The following SPON2 variants were observed in gnomAD, a reference collection of about 807,000 sequenced individuals.
SPON2 encodes the protein spondin 2, also known as spondin-2.
SPON2 carries 32 observed loss-of-function variants against 29.9 expected under a neutral mutation model. The ratio of observed to expected loss-of-function variants is 1.07; its 90% CI spans 0.81 to 1.44. The LOEUF (loss-of-function observed/expected upper bound fraction) is 1.44. Among genes scored for constraint, SPON2 ranks in the 40% most tolerant of loss-of-function variants. The probability of loss-of-function intolerance (pLI) is 0.00; values close to 1 mark genes in which losing one functional copy is unlikely to be tolerated. For missense variants in SPON2, 541 were observed against 455.5 expected (o/e 1.19, Z -1.71); for synonymous variants, 248 against 209.1 (o/e 1.19, Z -1.61).
upstream of SPON2, among the ~76,000 whole-genome samples, chr4:1,173,800 A>G (rs1421428890): frequency 6.6e-6 from 1 of 152,284 alleles, no homozygotes; most frequent in Non-Finnish European, 1.5e-5. Context: ...AAAACCACAG[A>G]TCAGCCACTC....
At position 1,167,584 on chromosome 4, in the gene SPON2, C is replaced by T. The variant is rs1391332007; in HGVS notation, c.884G>A (p.Arg295Lys). The T allele has an allele frequency of 1.1e-5, 17 of 1,613,618 alleles. No homozygotes were observed. The highest frequency in any genetic ancestry group is 1.7e-5 in the Admixed American group (1 of 60,024). The stretch of plus-strand genomic sequence containing the variant: ...GCGAGTCCTGCTCTTGGTCCCGAGC[C>T]TCCCACAGTGGCCTCCGCACAGTCC... ...SWGLCGGHCGRLGTKSRTRYV... is the reference protein window; with the variant it reads ...SWGLCGGHCGKLGTKSRTRYV... Residue 295 changes from arginine (R) to lysine (K), a missense_variant, in exon 6 of 6, where the codon AGG (arginine) becomes AAG (lysine). By Grantham distance (26) the Arg-to-Lys change is conservative (BLOSUM62 2). Coordinates refer to ENST00000290902, the MANE Select transcript of SPON2 (RefSeq NM_012445.4).
upstream of SPON2, among the ~76,000 whole-genome samples, chr4:1,175,023 C>T (rs368485479): frequency 6.4e-4 from 98 of 152,368 alleles, no homozygotes; most frequent in African/African-American, 2.2e-3. Context: ...AGGCCCTCCA[C>T]GAGTCCCCAG....
chr4:1,204,107 A>T (rs535533460), intron 1 of SPON2, among the ~76,000 whole-genome samples: 3 of 152,282 alleles, frequency 2.0e-5, no homozygotes, highest in Admixed American at 2.0e-4. Context: ...CCTGACCTCA[A>T]ATGGTCCCCC....
At position 1,200,687 on chromosome 4, in the gene SPON2, C is replaced by T. The variant is rs769578405; in HGVS notation, c.-234+7193G>A. On this transcript the variant is annotated intron_variant, in intron 1 of 3. Coordinates refer to the SPON2 transcript ENST00000509233. ...CCACTGCAGGCCAGGTGTGGACGAC[C>T]CTCACAACTCTCCCATCTGCGTGGA... 2.9e-4 allele frequency: 118 copies of T among 401,636 alleles called. 2 individuals are homozygous for T. In the Middle Eastern group the frequency reaches 5.4e-3, roughly 18 times the overall value. The allele number at this position is 401,636 out of a possible 1,614,324, so 24.9% of individuals were successfully genotyped here.
At chr4:1,168,593 CAG>C (rs903487441) in intron 5 of SPON2, among the ~76,000 whole-genome samples, 4 of 152,156 alleles carry the variant, frequency 2.6e-5, no homozygotes, top group Admixed American at 2.0e-4. Flanking sequence ...GTGTAGAAGC[CAG>C]AGAGCCAGGG....
At chr4:1,167,860 A>G (rs915004156) in intron 5 of SPON2, 3 of 487,068 alleles carry the variant, frequency 6.2e-6, no homozygotes, top group African/African-American at 4.0e-5. Context: ...TAGGGACTGG[A>G]GTTGCGCGTT....
intron 1 of SPON2, among the ~76,000 whole-genome samples, chr4:1,187,088 C>T (rs1004978301): frequency 6.6e-6 from 1 of 152,172 alleles, no homozygotes; most frequent in Admixed American, 6.5e-5. Flanking sequence ...AAGTTCATAG[C>T]AGCGTTATTC....
In SPON2 at chr4:1,172,000, G is replaced by C; in HGVS notation, c.72C>G (p.Ala24=). Residue 24 remains alanine, a synonymous_variant, in exon 2 of 6, where the codon GCC becomes GCG. Transcript: ENST00000290902. ...ACTCTCCCCCAAGAGGCTGGCCGGCGGCGCCGAGAGTGGCCAGGAGGAGAG... is the reference window on the plus strand; with the variant it reads ...ACTCTCCCCCAAGAGGCTGGCCGGCCGCGCCGAGAGTGGCCAGGAGGAGAG... The part of the protein sequence containing the change: ...LCALLLATLG[A]AGQPLGGESI... 6.2e-7 allele frequency: 1 copy of C among 1,612,858 alleles called. No individual in the cohort carries two copies. Among genetic ancestry groups the C allele is most frequent in the Non-Finnish European group, 8.5e-7 (1 of 1,179,886 alleles).
chr4:1,185,966 C>A (rs992948147), intron 1 of SPON2, among the ~76,000 whole-genome samples: 1 of 151,780 alleles, frequency 6.6e-6, no homozygotes, highest in East Asian at 2.0e-4. Context: ...AACATCTGGC[C>A]GGGCGTGGTG....
chr4:1,183,408 A>C (rs1372238163), intron 1 of SPON2, among the ~76,000 whole-genome samples: 2 of 152,216 alleles, frequency 1.3e-5, no homozygotes, highest in Non-Finnish European at 2.9e-5. Context: ...ATATAAAGAA[A>C]TAAAGATCTC....
At chr4:1,167,687 A>C in intron 5 of SPON2, 31 bp from the exon 6 acceptor site, 1 of 1,553,358 alleles carries the variant, frequency 6.4e-7, no homozygotes, top group Non-Finnish European at 8.7e-7. Flanking sequence ...ACCGAGGTGA[A>C]CGCTCGCGTG....
At position 1,167,669 on chromosome 4, in the gene SPON2, A is replaced by G. The variant is rs745664605; in HGVS notation, c.812-13T>C. 5.7e-6 allele frequency: 9 copies of G among 1,576,734 alleles called. 1 individual carries two copies. In the South Asian group the frequency reaches 8.0e-5, roughly 14 times the overall value. ...GGCGTTTCTGGAACTGGACCAAGCA[A>G]AGGGGAGACCGAGGTGAACGCTCGC... On this transcript the variant is annotated splice_polypyrimidine_tract_variant and intron_variant, in intron 5 of 5. Transcript: ENST00000290902.
intron 1 of SPON2, among the ~76,000 whole-genome samples, chr4:1,185,333 C>T (rs1249108142): frequency 1.3e-5 from 2 of 151,796 alleles, no homozygotes; most frequent in Non-Finnish European, 2.9e-5. Flanking sequence ...ACCTCGGCCT[C>T]CCAAAGTGCT....
At chr4:1,175,733 G>C (rs1410588152), upstream of SPON2, among the ~76,000 whole-genome samples, 1 of 151,934 alleles carries the variant, frequency 6.6e-6, no homozygotes, top group Non-Finnish European at 1.5e-5. Flanking sequence ...ATGTAGGGTA[G>C]TGGTGGGCCC....
chr4:1,204,500 G>A (rs1470538924), intron 1 of SPON2, among the ~76,000 whole-genome samples: 3 of 152,218 alleles, frequency 2.0e-5, no homozygotes, highest in Admixed American at 1.3e-4. Flanking sequence ...CGTGTTCACC[G>A]TTCGCATTGT....
chr4:1,171,556 GC>G, intron 2 of SPON2, 70 bp from the exon 3 acceptor site: 1 of 1,472,098 alleles, frequency 6.8e-7, no homozygotes, highest in Non-Finnish European at 9.3e-7. Context: ...TCCAGGGGGC[GC>G]CCCAGGAAAT....
At chr4:1,206,306 G>A (rs764712452) in intron 1 of SPON2, among the ~76,000 whole-genome samples, 1 of 152,158 alleles carries the variant, frequency 6.6e-6, no homozygotes, top group African/African-American at 2.4e-5. Context: ...TCACCCACCC[G>A]GCTGCAGCCC....
rs1231893523 is a variant in SPON2 at position 1,186,014 on chromosome 4, G to GT, written c.-238-6474_-238-6473insA. Among the ~76,000 whole-genome samples, 856 of 151,142 alleles carry GT rather than the reference G, an allele frequency of 5.7e-3. 1 individual carries two copies. Among genetic ancestry groups the GT allele is most frequent in the Non-Finnish European group, 8.4e-3 (568 of 67,626 alleles). On this transcript the variant is annotated intron_variant, in intron 1 of 3. Coordinates refer to the SPON2 transcript ENST00000502483. ...AATCCCAGCACTTTGGGAGGCCGAGGCGGGCGGATCACGAGGTCAGGAGAT... is the reference window on the plus strand; with the variant it reads ...AATCCCAGCACTTTGGGAGGCCGAGGTCGGGCGGATCACGAGGTCAGGAGAT...
At chr4:1,201,652 G>A (rs865898491) in intron 1 of SPON2, among the ~76,000 whole-genome samples, 19 of 151,640 alleles carry the variant, frequency 1.3e-4, no homozygotes, top group African/African-American at 4.6e-4. Flanking sequence ...GCGTGATCTC[G>A]GCTCACTGCA....
Sources: allele counts gnomAD v4.1 joint callset (sites outside exome capture counted in the v4.1 genomes callset), GRCh38; gene constraint gnomAD v4.1.1; transcripts MANE v1.5; gene names NCBI Gene and HGNC (gene_info 2026-07-23, HGNC 2026-07-21).